NFXL1: variants seen among roughly 807,000 people sequenced by gnomAD.
The protein encoded by NFXL1 is nuclear transcription factor, X-box binding like 1, also known as NF-X1-type zinc finger protein NFXL1.
Under a neutral mutation model 123.3 loss-of-function variants are expected in NFXL1, and 66 were observed. The observed-to-expected ratio is 0.54, with a 90% CI of 0.44 to 0.66. The LOEUF (loss-of-function observed/expected upper bound fraction) is 0.66. Among genes scored for constraint, NFXL1 ranks in the 30% least tolerant of loss-of-function variants. The pLI, the probability that NFXL1 is intolerant of heterozygous loss-of-function variation, is 0.00. For missense variants in NFXL1, 944 were observed against 1,125.6 expected (o/e 0.84, Z 2.31); for synonymous variants, 346 against 360.8 (o/e 0.96, Z 0.46).
chr4:47,914,121 A>G lies in NFXL1; in HGVS notation c.83T>C (p.Val28Ala). 6.4e-7 allele frequency: 1 copy of G among 1,552,132 alleles called. No individual in the cohort carries two copies. ...RATAAPSGNG[V>A]HLRGAGGGRE... ...CCCTCCTCCGGCGCCGCGGAGATGGACTCCATTTCCTGAGGGGGCGGCAGT... is the reference window on the plus strand; with the variant it reads ...CCCTCCTCCGGCGCCGCGGAGATGGGCTCCATTTCCTGAGGGGGCGGCAGT... The change falls in exon 2 of 23, where the codon GTC (valine) becomes GCC (alanine). Residue 28 changes from valine to alanine, a missense_variant. Physicochemically the swap from Val to Ala is moderately conservative, Grantham distance 64 (BLOSUM62 0). Coordinates refer to ENST00000507489, the MANE Select transcript of NFXL1 (RefSeq NM_001278624.2).
chr4:47,865,979 G>A lies in NFXL1; in HGVS notation c.2247-3064C>T, dbSNP rs116652870. ...TGCAGTGAGCCGTGAGTGCGCCACT[G>A]CATCCAGTCTGGGAGACAGAGAGAC... On this transcript the variant is annotated intron_variant, in intron 18 of 22. Coordinates refer to ENST00000507489, the MANE Select transcript of NFXL1 (RefSeq NM_001278624.2). Among the ~76,000 whole-genome samples, 541 of 152,110 alleles carry A rather than the reference G, an allele frequency of 3.6e-3. 3 individuals are homozygous for A. The highest frequency in any genetic ancestry group is 0.013 in the African/African-American group (526 of 41,482).
chr4:47,914,239 G>A, intron 1 of NFXL1, 34 bp from the exon 2 acceptor site: 1 of 1,391,290 alleles, frequency 7.2e-7, no homozygotes, highest in Non-Finnish European at 9.5e-7. Context: ...AAGAGTGGAA[G>A]GAGGTGAGCG....
chr4:47,913,335 A>T (rs1045116257), intron 2 of NFXL1, among the ~76,000 whole-genome samples: 3 of 152,218 alleles, frequency 2.0e-5, no homozygotes, highest in Non-Finnish European at 4.4e-5. Flanking sequence ...GCAACACCAG[A>T]TATGTCCACA....
At chr4:47,897,801 T>C (rs1737172311) in intron 9 of NFXL1, among the ~76,000 whole-genome samples, 166 bp downstream of exon 9, 1 of 152,190 alleles carries the variant, frequency 6.6e-6, no homozygotes, top group Non-Finnish European at 1.5e-5. Flanking sequence ...AGTTTGGACC[T>C]TTCCAGAATG....
intron 3 of NFXL1, 35 bp downstream of exon 3, chr4:47,910,789 T>C (rs760757637): frequency 1.4e-5 from 19 of 1,384,954 alleles, no homozygotes; most frequent in African/African-American, 4.4e-5. Flanking sequence ...TACAGTTTCA[T>C]TGACGTCAAA....
intron 18 of NFXL1, among the ~76,000 whole-genome samples, chr4:47,868,236 G>A (rs1426633022): frequency 1.3e-5 from 2 of 151,638 alleles, no homozygotes; most frequent in South Asian, 2.1e-4. Flanking sequence ...GGAAAATGGC[G>A]TGAACTCGGG....
intron 12 of NFXL1, among the ~76,000 whole-genome samples, chr4:47,886,806 G>A (rs1238480060): frequency 6.6e-6 from 1 of 152,118 alleles, no homozygotes; most frequent in Non-Finnish European, 1.5e-5. Context: ...AGCAAAAATG[G>A]ATTTAAGTCT....
intron 12 of NFXL1, among the ~76,000 whole-genome samples, chr4:47,887,042 T>C (rs1379357651): frequency 2.0e-5 from 3 of 152,100 alleles, no homozygotes; most frequent in African/African-American, 7.2e-5. Context: ...TAAAAAAAAA[T>C]GTTATTTTGG....
chr4:47,878,495 G>C, intron 17 of NFXL1, 30 bp downstream of exon 17: 1 of 1,473,732 alleles, frequency 6.8e-7, no homozygotes, highest in Non-Finnish European at 9.1e-7. Context: ...AATACTATGG[G>C]CAGATATACA....
intron 18 of NFXL1, among the ~76,000 whole-genome samples, chr4:47,865,093 T>C (rs1313217243): frequency 6.6e-6 from 1 of 152,180 alleles, no homozygotes; most frequent in Non-Finnish European, 1.5e-5. Flanking sequence ...ACAGAAGTGA[T>C]TGTTTTCTTC....
chr4:47,900,489 C>T (rs577595806), intron 5 of NFXL1, among the ~76,000 whole-genome samples: 2 of 152,274 alleles, frequency 1.3e-5, no homozygotes, highest in Non-Finnish European at 2.9e-5. Flanking sequence ...GGATTACAGG[C>T]GTGAGCCACT....
chr4:47,896,551 T>A lies in NFXL1; in HGVS notation c.1301A>T (p.His434Leu). 1 of 1,613,492 alleles carries A rather than the reference T, an allele frequency of 6.2e-7. No individual in the cohort carries two copies. Among genetic ancestry groups the A allele is most frequent in the Non-Finnish European group, 8.5e-7 (1 of 1,179,492 alleles). ...TCTACATGTTTCACAGGGACCTCGG[T>A]GACAACGCTGTGAACATCTATGGAT... ...CGIHRCSQRC[H>L]RGPCETCRQE... The change falls in exon 10 of 23, where the codon CAC (histidine) becomes CTC (leucine). Residue 434 changes from histidine (H) to leucine (L), a missense_variant. Transcript: ENST00000507489.
intron 18 of NFXL1, among the ~76,000 whole-genome samples, chr4:47,872,031 T>A (rs563396360): frequency 6.6e-6 from 1 of 152,186 alleles, no homozygotes; most frequent in East Asian, 1.9e-4. Flanking sequence ...TTTTCTTCTA[T>A]CTAAATAATC....
At chr4:47,892,957 A>G (rs534897991) in intron 11 of NFXL1, among the ~76,000 whole-genome samples, 1 of 152,142 alleles carries the variant, frequency 6.6e-6, no homozygotes, top group Admixed American at 6.6e-5. Flanking sequence ...AGACATTACA[A>G]ATATAGCCTA....
chr4:47,898,392 T>C (rs1301287935), intron 8 of NFXL1, among the ~76,000 whole-genome samples: 1 of 152,110 alleles, frequency 6.6e-6, no homozygotes, highest in Non-Finnish European at 1.5e-5. Context: ...CCATGCCAAT[T>C]CTAGGACAAG....
intron 18 of NFXL1, among the ~76,000 whole-genome samples, chr4:47,864,681 C>T (rs146638442): frequency 3.5e-4 from 53 of 152,176 alleles, no homozygotes; most frequent in African/African-American, 1.1e-3. Flanking sequence ...AGATAGGGTA[C>T]GAAAAGCTTA....
chr4:47,879,126 A>C lies in NFXL1; in HGVS notation c.1917-9T>G, dbSNP rs1578013355. The C allele has an allele frequency of 6.2e-6, 8 of 1,280,536 alleles. No individual in the cohort carries two copies. In the East Asian group the frequency reaches 2.2e-4, roughly 35 times the overall value. 79.3% of individuals were successfully genotyped at this position (1,280,536 alleles called of 1,614,324 possible). ...GTTTCCCAAGACATTCCCTACAAGG[A>C]AAAAATAAAATAAAATGAAAACATT... is the stretch of plus-strand genomic sequence containing the variant. On this transcript the variant is annotated splice_polypyrimidine_tract_variant and intron_variant, in intron 15 of 22. Coordinates refer to ENST00000507489, the MANE Select transcript of NFXL1 (RefSeq NM_001278624.2).
intron 5 of NFXL1, among the ~76,000 whole-genome samples, chr4:47,901,414 T>G (rs1737349044): frequency 6.6e-6 from 1 of 152,088 alleles, no homozygotes; most frequent in Non-Finnish European, 1.5e-5. Flanking sequence ...GATCCTTTCC[T>G]CCTCTGTGGC....
intron 19 of NFXL1, among the ~76,000 whole-genome samples, chr4:47,859,787 A>G (rs1734621655): frequency 7.9e-6 from 1 of 127,366 alleles, no homozygotes; most frequent in African/African-American, 2.9e-5. Context: ...GGTTGTAGTG[A>G]GCCAAGATTG....
Sources: gnomAD v4.1 joint callset for allele counts (sites outside exome capture counted in the v4.1 genomes callset) on GRCh38, gnomAD v4.1.1 for gene constraint, MANE v1.5 for transcripts, NCBI Gene and HGNC (gene_info 2026-07-23, HGNC 2026-07-21) for gene names.